The following PALM2AKAP2 variants were observed in gnomAD, a reference collection of about 807,000 sequenced individuals.
PALM2AKAP2 encodes PALM2 and AKAP2 fusion, also known as PALM2-AKAP2 fusion protein.
Under a neutral mutation model 71.5 loss-of-function variants are expected in PALM2AKAP2, and 37 were observed. That is an observed-to-expected ratio of 0.52 (90% CI 0.40 to 0.68). The LOEUF (loss-of-function observed/expected upper bound fraction) is 0.68, where lower values mean the gene tolerates loss of function less well. Ranked by LOEUF, PALM2AKAP2 falls within the 30% of genes least tolerant of loss-of-function variation. The pLI is 0.00. For synonymous variants in PALM2AKAP2, 468 were observed against 478.8 expected (o/e 0.98, Z 0.29); for missense variants, 1,224 against 1,191.8 (o/e 1.03, Z -0.40).
At chr9:110,147,556 G>T (rs143402052) in intron 2 of PALM2AKAP2, among the ~76,000 whole-genome samples, 3 of 152,088 alleles carry the variant, frequency 2.0e-5, no homozygotes, top group Admixed American at 1.3e-4. Flanking sequence ...GAGGCTGATC[G>T]CTTGAGACCA....
chr9:110,065,143 G>A (rs774039500), intron 1 of PALM2AKAP2, among the ~76,000 whole-genome samples: 1 of 152,208 alleles, frequency 6.6e-6, no homozygotes, highest in African/African-American at 2.4e-5. Flanking sequence ...ACAGCCCCAT[G>A]GAGGCATGGC....
intron 7 of PALM2AKAP2, among the ~76,000 whole-genome samples, chr9:110,036,442 G>T (rs1276352502): frequency 6.6e-6 from 1 of 152,044 alleles, no homozygotes; most frequent in Non-Finnish European, 1.5e-5. Flanking sequence ...AATTATGTCT[G>T]GAATCTGATT....
intron 1 of PALM2AKAP2, among the ~76,000 whole-genome samples, chr9:109,652,477 A>G (rs1195514196): frequency 1.3e-5 from 2 of 152,194 alleles, no homozygotes; most frequent in African/African-American, 4.8e-5. Context: ...TGCTGGTGTT[A>G]TGCTTCTTGA....
intron 1 of PALM2AKAP2, among the ~76,000 whole-genome samples, chr9:109,672,410 A>C (rs1367260600): frequency 1.3e-5 from 2 of 152,148 alleles, no homozygotes; most frequent in Non-Finnish European, 2.9e-5. Context: ...ACATTTATTA[A>C]TTTGCATATG....
intron 3 of PALM2AKAP2, among the ~76,000 whole-genome samples, chr9:109,911,306 C>A (rs1313008703): frequency 1.3e-5 from 2 of 152,154 alleles, no homozygotes; most frequent in Non-Finnish European, 1.5e-5. Context: ...AGAATCACAA[C>A]AAAGAAATCA....
intron 1 of PALM2AKAP2, among the ~76,000 whole-genome samples, chr9:109,827,312 G>A (rs1387295285): frequency 1.3e-5 from 2 of 152,170 alleles, no homozygotes; most frequent in Non-Finnish European, 2.9e-5. Context: ...TGTCTGTAGT[G>A]CTTCTAAGAA....
Position 109,677,595 on chromosome 9 carries a change from G to A in PALM2AKAP2, c.5+36729G>A, listed in dbSNP as rs188960448. Among the ~76,000 whole-genome samples, 255 of 151,720 alleles carry A rather than the reference G, an allele frequency of 1.7e-3. 3 individuals are homozygous for A. In the South Asian group the frequency reaches 0.031, roughly 19 times the overall value. The stretch of plus-strand genomic sequence containing the variant: ...AGGCAGGAGAATCACTTGAACCCAG[G>A]AGGCAGAGGTTGCAGTGAGCAGAGA... On this transcript the variant is annotated intron_variant, in intron 1 of 6. Transcript: ENST00000374531.
At position 110,035,222 on chromosome 9, in the gene PALM2AKAP2, A is replaced by G. The variant is rs1833360286; in HGVS notation, c.582+19183A>G. ...GTGTGTGTGTGTGTATATATATAAA[A>G]AATATATATAATATAATATATAATT... On this transcript the variant is annotated intron_variant, in intron 7 of 9. Transcript: ENST00000302798. Among the ~76,000 whole-genome samples the G allele has an allele frequency of 4.2e-5, 6 of 142,452 alleles. No individual in the cohort carries two copies. The South Asian group carries it at 1.3e-3, about 30-fold the overall frequency. The allele number at this position is 142,452 out of a possible 152,430, so 93.5% of individuals were successfully genotyped here.
chr9:109,907,509 G>A (rs1830475729), intron 3 of PALM2AKAP2, among the ~76,000 whole-genome samples: 2 of 152,142 alleles, frequency 1.3e-5, no homozygotes, highest in Non-Finnish European at 1.5e-5. Flanking sequence ...TCTCTGAGCC[G>A]AGTATACCTT....
intron 7 of PALM2AKAP2, among the ~76,000 whole-genome samples, chr9:110,020,339 G>A (rs1370848149): frequency 2.0e-5 from 3 of 152,050 alleles, no homozygotes; most frequent in Non-Finnish European, 4.4e-5. Flanking sequence ...AGTTTCCCGA[G>A]GCCTCCCAGT....
At chr9:109,683,325 T>G (rs1052228670) in intron 1 of PALM2AKAP2, among the ~76,000 whole-genome samples, 4 of 152,180 alleles carry the variant, frequency 2.6e-5, no homozygotes, top group Admixed American at 2.6e-4. Context: ...CATTCTTGAT[T>G]TAATCCAATG....
At chr9:109,739,716 CAAT>C (rs532482210) in intron 1 of PALM2AKAP2, among the ~76,000 whole-genome samples, 6 of 152,196 alleles carry the variant, frequency 3.9e-5, no homozygotes, top group Non-Finnish European at 7.3e-5. Flanking sequence ...GAGACACTTT[CAAT>C]AATAACTTTG....
intron 1 of PALM2AKAP2, among the ~76,000 whole-genome samples, chr9:109,846,889 A>C (rs1828871865): frequency 6.6e-6 from 1 of 152,214 alleles, no homozygotes; most frequent in African/African-American, 2.4e-5. Flanking sequence ...TGAAATTTAT[A>C]GTCTCTGTTG....
chr9:110,018,467 A>T (rs1833020023), intron 7 of PALM2AKAP2, among the ~76,000 whole-genome samples: 1 of 152,076 alleles, frequency 6.6e-6, no homozygotes. Flanking sequence ...AGTAGCTGGA[A>T]TTATAGGCAT....
intron 7 of PALM2AKAP2, among the ~76,000 whole-genome samples, chr9:110,040,061 G>A (rs144012876): frequency 6.6e-6 from 1 of 152,000 alleles, no homozygotes; most frequent in African/African-American, 2.4e-5. Flanking sequence ...GAGAGGAGAA[G>A]AGAGGAGAGG....
intron 1 of PALM2AKAP2, among the ~76,000 whole-genome samples, chr9:110,127,190 G>T (rs888847496): frequency 6.6e-5 from 10 of 152,194 alleles, no homozygotes; most frequent in Non-Finnish European, 1.5e-4. Context: ...TTTCTTTTTA[G>T]AACTGCCCTA....
intron 6 of PALM2AKAP2, among the ~76,000 whole-genome samples, chr9:109,971,185 C>T (rs985600333): frequency 1.3e-5 from 2 of 151,590 alleles, no homozygotes; most frequent in African/African-American, 4.9e-5. Flanking sequence ...TAGAACCATG[C>T]CTGGCACATA....
At chr9:109,727,936 A>G (rs1228899450) in intron 1 of PALM2AKAP2, among the ~76,000 whole-genome samples, 16 of 152,218 alleles carry the variant, frequency 1.1e-4, no homozygotes, top group African/African-American at 3.9e-4. Context: ...TAACCCCTTT[A>G]GATCAGTGCC....
At chr9:110,162,096 C>T (rs1041936841) in intron 3 of PALM2AKAP2, 5 of 1,613,852 alleles carry the variant, frequency 3.1e-6, no homozygotes, top group African/African-American at 2.7e-5. Flanking sequence ...TCTGCCAGTA[C>T]ACTTCTAAGT....
Sources: gnomAD v4.1 joint callset for allele counts (sites outside exome capture counted in the v4.1 genomes callset) on GRCh38, gnomAD v4.1.1 for gene constraint, MANE v1.5 for transcripts, NCBI Gene and HGNC (gene_info 2026-07-23, HGNC 2026-07-21) for gene names.